KIF26B: variants seen among roughly 807,000 people sequenced by gnomAD.
The protein encoded by KIF26B is kinesin-like protein KIF26B.
A neutral mutation model predicts 151.2 loss-of-function variants in KIF26B; 63 were observed. The observed-to-expected ratio is 0.42, with a 90% CI of 0.34 to 0.51. KIF26B has a LOEUF of 0.51. KIF26B is among the 20% of genes least tolerant of loss of function. KIF26B has a pLI of 0.07. For synonymous variants in KIF26B, 1,357 were observed against 1,262.1 expected (o/e 1.08, Z -1.59); for missense variants, 2,813 against 2,913.6 (o/e 0.97, Z 0.79).
At chr1:245,304,710 C>T (rs929681589) in intron 2 of KIF26B, among the ~76,000 whole-genome samples, 1 of 152,088 alleles carries the variant, frequency 6.6e-6, no homozygotes, top group African/African-American at 2.4e-5. Flanking sequence ...TCCATCCATC[C>T]ATCCATCCAT....
intron 3 of KIF26B, among the ~76,000 whole-genome samples, chr1:245,410,188 T>C (rs1480047629): frequency 6.6e-6 from 1 of 152,212 alleles, no homozygotes; most frequent in African/African-American, 2.4e-5. Flanking sequence ...CCCATCCCAG[T>C]TCTTCCTCCT....
Position 245,698,577 on chromosome 1 carries a change from T to C in KIF26B, c.6027+269T>C, listed in dbSNP as rs28607398. Among the ~76,000 whole-genome samples the C allele has an allele frequency of 0.014, 2,158 of 152,256 alleles. 55 individuals are homozygous for C. Among genetic ancestry groups the C allele is most frequent in the African/African-American group, 0.048 (2,003 of 41,536 alleles). Reference sequence around the variant, plus strand: ...TGGTGATCTTGGGGGCTTTTCTGGCTCCTTGAGGCTCCCAGTCTTAACCAA... The same window carrying C: ...TGGTGATCTTGGGGGCTTTTCTGGCCCCTTGAGGCTCCCAGTCTTAACCAA... On this transcript the variant is annotated intron_variant, in intron 13 of 14. Transcript: ENST00000407071. The surrounding 1 kb of genome is among the most constrained non-coding windows in gnomAD (Gnocchi z 4.0).
chr1:245,410,195 T>A (rs1302164242), intron 3 of KIF26B, among the ~76,000 whole-genome samples: 1 of 152,172 alleles, frequency 6.6e-6, no homozygotes, highest in African/African-American at 2.4e-5. Context: ...CAGTTCTTCC[T>A]CCTGTAGGCC....
chr1:245,367,393 G>C lies in KIF26B; in HGVS notation c.999+26G>C. 1.9e-6 allele frequency: 3 copies of C among 1,556,534 alleles called. No homozygotes were observed. The highest frequency in any genetic ancestry group is 1.7e-4 in the Middle Eastern group (1 of 5,816). ...GTAAGTAGCCTGTGTGAGCCAGGAA[G>C]AGCAGGGCTGGCTGGAGTCAAAGCG... On this transcript the variant is annotated intron_variant, in intron 3 of 14. Transcript: ENST00000407071. The surrounding 1 kb of genome is among the most constrained non-coding windows in gnomAD (Gnocchi z 4.2).
intron 2 of KIF26B, among the ~76,000 whole-genome samples, chr1:245,177,665 G>GTGT (rs1668833576): frequency 1.3e-5 from 2 of 149,068 alleles, no homozygotes; most frequent in Non-Finnish European, 3.0e-5. Flanking sequence ...TGTCCTTAGG[G>GTGT]GTGTGTGTGT....
intron 2 of KIF26B, among the ~76,000 whole-genome samples, chr1:245,326,569 T>C (rs1277566513): frequency 6.6e-6 from 1 of 152,198 alleles, no homozygotes; most frequent in Non-Finnish European, 1.5e-5. Flanking sequence ...TCAGAAATGC[T>C]GACTTCTACG....
intron 4 of KIF26B, among the ~76,000 whole-genome samples, chr1:245,502,358 C>T (rs912657772): frequency 3.9e-5 from 6 of 152,014 alleles, no homozygotes; most frequent in African/African-American, 1.4e-4. Flanking sequence ...GAAACCCTGT[C>T]TCTACTAAAA....
chr1:245,161,030 T>C (rs1034278434), intron 2 of KIF26B, among the ~76,000 whole-genome samples: 2 of 152,226 alleles, frequency 1.3e-5, no homozygotes, highest in African/African-American at 4.8e-5. Context: ...TTATTAATTA[T>C]AAGGGACTTC....
intron 3 of KIF26B, among the ~76,000 whole-genome samples, chr1:245,403,597 G>A (rs192147716): frequency 1.4e-5 from 2 of 146,718 alleles, no homozygotes; most frequent in Admixed American, 1.4e-4. Context: ...TGTGTGCATG[G>A]GGGGTGTGTG....
At chr1:245,343,563 A>G (rs896336069) in intron 2 of KIF26B, among the ~76,000 whole-genome samples, 1 of 152,212 alleles carries the variant, frequency 6.6e-6, no homozygotes, top group African/African-American at 2.4e-5. Flanking sequence ...CATTTTTGGC[A>G]GTAGGTTATA....
At chr1:245,303,004 A>G (rs1402044573) in intron 2 of KIF26B, among the ~76,000 whole-genome samples, 4 of 149,266 alleles carry the variant, frequency 2.7e-5, no homozygotes, top group Non-Finnish European at 3.0e-5. Context: ...AAAAAAAAAA[A>G]AAAAAAAAAG....
At chr1:245,186,650 G>A (rs1018122528) in intron 2 of KIF26B, among the ~76,000 whole-genome samples, 1 of 152,102 alleles carries the variant, frequency 6.6e-6, no homozygotes, top group East Asian at 1.9e-4. Context: ...AGTAAGTTAC[G>A]TATCTCTAAC....
chr1:245,560,698 G>A lies in KIF26B; in HGVS notation c.1350+19748G>A, dbSNP rs1358505684. 1.3e-5 allele frequency among the ~76,000 whole-genome samples: 2 copies of A among 152,098 alleles called. No individual in the cohort carries two copies. The highest frequency in any genetic ancestry group is 1.5e-5 in the Non-Finnish European group (1 of 68,032). ...AACCTGTCAGTCTCTCCCCTCTCAC[G>A]GAAGCCTGACATGTAAATCTCAAGT... is the stretch of plus-strand genomic sequence containing the variant. On this transcript the variant is annotated intron_variant, in intron 5 of 14. Coordinates refer to ENST00000407071, the MANE Select transcript of KIF26B (RefSeq NM_018012.4). The surrounding 1 kb of genome is among the most constrained non-coding windows in gnomAD (Gnocchi z 4.3).
chr1:245,684,542 T>C lies in KIF26B; in HGVS notation c.2421+147T>C, dbSNP rs2044484720. 4 of 863,818 alleles carry C rather than the reference T, an allele frequency of 4.6e-6. No homozygotes were observed. In the South Asian group the frequency reaches 5.5e-5, roughly 12 times the overall value. The allele number at this position is 863,818 out of a possible 1,614,324, so 53.5% of individuals were successfully genotyped here. On this transcript the variant is annotated intron_variant, in intron 11 of 14. Coordinates refer to ENST00000407071, the MANE Select transcript of KIF26B (RefSeq NM_018012.4). ...GGAGCTGACAACACGTGGCTCAGGG[T>C]CCACTTTGGGGCAGGGAAACCTTGG...
chr1:245,483,789 A>G (rs1048342446), intron 4 of KIF26B, among the ~76,000 whole-genome samples: 3 of 151,838 alleles, frequency 2.0e-5, no homozygotes, highest in Admixed American at 2.0e-4. Flanking sequence ...AGAAACCTCC[A>G]AGCTCTAATC....
At chr1:245,361,044 C>G (rs568377423) in intron 2 of KIF26B, among the ~76,000 whole-genome samples, 26 of 152,258 alleles carry the variant, frequency 1.7e-4, no homozygotes, top group African/African-American at 6.3e-4. Flanking sequence ...CGAGAAATGC[C>G]TCACCCATTC....
intron 10 of KIF26B, among the ~76,000 whole-genome samples, chr1:245,652,432 G>A (rs2044029831): frequency 6.6e-6 from 1 of 152,126 alleles, no homozygotes; most frequent in Non-Finnish European, 1.5e-5. Context: ...GGACATCGAA[G>A]TCCCTTTTCT....
intron 3 of KIF26B, among the ~76,000 whole-genome samples, chr1:245,372,823 G>A (rs1572029524): frequency 1.3e-5 from 2 of 152,306 alleles, no homozygotes; most frequent in African/African-American, 4.8e-5. Context: ...CATCATGGTA[G>A]GAGATTTGGA....
chr1:245,220,196 C>G (rs1669735581), intron 2 of KIF26B, among the ~76,000 whole-genome samples: 1 of 152,286 alleles, frequency 6.6e-6, no homozygotes, highest in South Asian at 2.1e-4. Flanking sequence ...TGTTTTCTTC[C>G]TTGAGACTTG....
Sources: gnomAD v4.1 joint callset for allele counts (sites outside exome capture counted in the v4.1 genomes callset) on GRCh38, gnomAD v4.1.1 for gene constraint, Gnocchi (gnomAD v3.1) non-coding constraint, MANE v1.5 for transcripts, NCBI Gene and HGNC (gene_info 2026-07-23, HGNC 2026-07-21) for gene names.